Variants in CCDC144A observed in about 807,000 individuals in gnomAD.
CCDC144A encodes the protein coiled-coil domain containing 144A, also known as coiled-coil domain-containing protein 144A.
A neutral mutation model predicts 143.8 loss-of-function variants in CCDC144A; 41 were observed. The ratio of observed to expected loss-of-function variants is 0.29; its 90% confidence interval spans 0.22 to 0.37. The LOEUF is 0.37. CCDC144A is among the 10% of genes least tolerant of loss of function. The pLI is 1.00. For missense variants in CCDC144A, 637 were observed against 1,488.8 expected (o/e 0.43, Z 9.41); for synonymous variants, 242 against 517.9 (o/e 0.47, Z 7.23).
chr17:16,667,346 G>C, the CCDC144A span, among the ~76,000 whole-genome samples: 5 of 137,386 alleles, frequency 3.6e-5, no homozygotes, highest in Non-Finnish European at 7.6e-5. Flanking sequence ...GGCGGCTGAG[G>C]AGCTGAGGGG....
intron 2 of CCDC144A, among the ~76,000 whole-genome samples, chr17:16,697,706 G>GT (rs1249257964): frequency 1.3e-5 from 2 of 152,098 alleles, no homozygotes; most frequent in Non-Finnish European, 1.5e-5. Flanking sequence ...ATTAATAGTT[G>GT]TTTTTTCCCT....
chr17:16,763,081 T>A (rs2143379048), intron 14 of CCDC144A, among the ~76,000 whole-genome samples: 1 of 151,290 alleles, frequency 6.6e-6, no homozygotes, highest in East Asian at 2.0e-4. Context: ...GTTTTTCCAA[T>A]CCACATAAAG....
At chr17:16,680,226 C>G in the CCDC144A span, among the ~76,000 whole-genome samples, 2 of 151,908 alleles carry the variant, frequency 1.3e-5, no homozygotes, top group Non-Finnish European at 2.9e-5. Flanking sequence ...TCCAGGCATT[C>G]GAGACCAGCC....
chr17:16,699,049 G>T (rs1399979730), intron 2 of CCDC144A, among the ~76,000 whole-genome samples: 3 of 151,968 alleles, frequency 2.0e-5, no homozygotes, highest in African/African-American at 7.3e-5. Context: ...CATTCCTAAA[G>T]AAAATACTAT....
At chr17:16,753,534 G>A (rs1163593397) in intron 12 of CCDC144A, among the ~76,000 whole-genome samples, 1 of 148,200 alleles carries the variant, frequency 6.7e-6, no homozygotes, top group African/African-American at 2.5e-5. Flanking sequence ...ATAGTGGGAC[G>A]GCCTTCTTGA....
At chr17:16,753,429 T>TG (rs1914902857) in intron 12 of CCDC144A, among the ~76,000 whole-genome samples, 1 of 52,120 alleles carries the variant, frequency 1.9e-5, no homozygotes, top group Non-Finnish European at 4.0e-5. Context: ...TGTTTTGTAG[T>TG]TTTTTTTTTT....
chr17:16,684,189 T>G, the CCDC144A span: 5 of 1,024,662 alleles, frequency 4.9e-6, no homozygotes, highest in East Asian at 1.2e-4. Context: ...GAGGACTTCG[T>G]GGCACTGGAG....
At chr17:16,676,061 T>C in the CCDC144A span, among the ~76,000 whole-genome samples, 1 of 152,046 alleles carries the variant, frequency 6.6e-6, no homozygotes, top group East Asian at 1.9e-4. Flanking sequence ...GCAGGGACTT[T>C]AAAACATGAG....
intron 1 of CCDC144A, 58 bp downstream of exon 1, chr17:16,690,802 G>C: frequency 6.6e-7 from 1 of 1,523,432 alleles, no homozygotes; most frequent in Non-Finnish European, 8.9e-7. Context: ...TCTGGTGCCC[G>C]CAGGCCCCAC....
intron 9 of CCDC144A, among the ~76,000 whole-genome samples, chr17:16,729,991 T>TACAC (rs1555533309): frequency 1.7e-4 from 19 of 114,856 alleles, no homozygotes; most frequent in African/African-American, 6.0e-4. Flanking sequence ...TATATATATA[T>TACAC]ACACACATAC....
At chr17:16,718,511 A>G (rs57638705) in intron 6 of CCDC144A, among the ~76,000 whole-genome samples, 16,927 of 152,008 alleles carry the variant, frequency 0.11, 1,188 homozygotes, top group South Asian at 0.29. Flanking sequence ...TTTTATGGTA[A>G]GAGTTTGTTC....
At chr17:16,679,078 G>A in the CCDC144A span, among the ~76,000 whole-genome samples, 1 of 132,102 alleles carries the variant, frequency 7.6e-6, no homozygotes, top group Non-Finnish European at 1.6e-5. Flanking sequence ...TGTTGTTTTT[G>A]TAGAGATGGC....
chr17:16,758,305 C>A, intron 12 of CCDC144A, among the ~76,000 whole-genome samples: 1 of 152,208 alleles, frequency 6.6e-6, no homozygotes, highest in Non-Finnish European at 1.5e-5. Flanking sequence ...AACCTCCCAT[C>A]ACACACACAC....
intron 2 of CCDC144A, among the ~76,000 whole-genome samples, chr17:16,699,986 A>G (rs541151759): frequency 6.6e-6 from 1 of 152,302 alleles, no homozygotes; most frequent in East Asian, 1.9e-4. Flanking sequence ...AGTCACATGT[A>G]ACACATCAAC....
At chr17:16,734,158 A>G (rs1419541477) in intron 11 of CCDC144A, among the ~76,000 whole-genome samples, 1 of 148,532 alleles carries the variant, frequency 6.7e-6, no homozygotes, top group African/African-American at 2.5e-5. Flanking sequence ...AAAAAAAAAA[A>G]GCCTAATATA....
intron 16 of CCDC144A, 60 bp downstream of exon 16, chr17:16,772,079 T>G (rs1487828349): frequency 8.2e-7 from 1 of 1,213,508 alleles, no homozygotes; most frequent in Non-Finnish European, 1.2e-6. Flanking sequence ...TGAAATAAAC[T>G]GCAAACGACA....
rs1416671327 is a variant in CCDC144A, at chr17:16,726,364, C to G, written c.1892-1163C>G. Among the ~76,000 whole-genome samples the G allele has an allele frequency of 2.4e-3, 326 of 135,754 alleles. 2 individuals are homozygous for G. The highest frequency in any genetic ancestry group is 8.8e-3 in the African/African-American group (307 of 34,906). The allele number at this position is 135,754 out of a possible 152,430, so 89.1% of individuals were successfully genotyped here. On this transcript the variant is annotated intron_variant, in intron 8 of 16. Transcript: ENST00000399273. ...CCACTGCACTCCAGCCTGGGCGACACAGCGAGACTCCGTCTCAAAAAAAAA... is the reference window on the plus strand; with the variant it reads ...CCACTGCACTCCAGCCTGGGCGACAGAGCGAGACTCCGTCTCAAAAAAAAA...
chr17:16,756,141 A>C (rs2656398), intron 12 of CCDC144A, among the ~76,000 whole-genome samples: 4 of 152,118 alleles, frequency 2.6e-5, no homozygotes, highest in Non-Finnish European at 4.4e-5. Flanking sequence ...CCAGATGTTT[A>C]CATCTCTCAC....
the CCDC144A span, among the ~76,000 whole-genome samples, chr17:16,681,182 C>CT: frequency 6.6e-6 from 1 of 151,886 alleles, no homozygotes; most frequent in African/African-American, 2.4e-5. Context: ...CTAGGCTTGT[C>CT]TTTTTTTATT....
Sources: allele counts gnomAD v4.1 joint callset (sites outside exome capture counted in the v4.1 genomes callset), GRCh38; gene constraint gnomAD v4.1.1; transcripts MANE v1.5; gene names NCBI Gene and HGNC (gene_info 2026-07-23, HGNC 2026-07-21).